TNFRSF1B: variants seen among roughly 807,000 people sequenced by gnomAD.
TNFRSF1B encodes the protein tumor necrosis factor receptor superfamily member 1B.
In TNFRSF1B, 19 loss-of-function variants were observed where a neutral mutation model predicts 44.6. The ratio of observed to expected loss-of-function variants is 0.43; its 90% confidence interval spans 0.30 to 0.62. TNFRSF1B has a LOEUF of 0.62. TNFRSF1B is among the 20% of genes least tolerant of loss of function. The pLI, the probability that TNFRSF1B is intolerant of heterozygous loss-of-function variation, is 0.16. For missense variants in TNFRSF1B, 541 were observed against 619.9 expected, an observed-to-expected ratio of 0.87 and a Z score of 1.35; for synonymous variants, 252 against 261.1, an observed-to-expected ratio of 0.97 and a Z score of 0.34.
intron 9 of TNFRSF1B, among the ~76,000 whole-genome samples, chr1:12,204,818 C>CAA (rs142394737): frequency 6.6e-6 from 1 of 151,288 alleles, no homozygotes; most frequent in African/African-American, 2.4e-5. Flanking sequence ...CCACCACCAA[C>CAA]AAAAAAACCC....
Position 12,207,111 on chromosome 1 carries a change from C to T in TNFRSF1B, c.*91C>T. Reference sequence around the variant, plus strand: ...GGGCCCTGGTCCTTCCAGGCCCCCACCACTAGGACTCTGAGGCTCTTTCTG... The same window carrying T: ...GGGCCCTGGTCCTTCCAGGCCCCCATCACTAGGACTCTGAGGCTCTTTCTG... On this transcript the variant is annotated 3_prime_UTR_variant, in exon 10 of 10. Coordinates refer to ENST00000376259, the MANE Select transcript of TNFRSF1B (RefSeq NM_001066.3). 3 of 1,372,386 alleles carry T rather than the reference C, an allele frequency of 2.2e-6. No individual in the cohort carries two copies. Among genetic ancestry groups the T allele is most frequent in the South Asian group, 1.6e-5 (1 of 64,240 alleles). The allele number at this position is 1,372,386 out of a possible 1,614,324, so 85.0% of individuals were successfully genotyped here.
intron 6 of TNFRSF1B, among the ~76,000 whole-genome samples, chr1:12,193,467 G>A (rs1003482532): frequency 6.6e-6 from 1 of 152,220 alleles, no homozygotes; most frequent in Admixed American, 6.5e-5. Context: ...CAGCTACTCA[G>A]GAGGCTGAGG....
chr1:12,194,464 A>AT, intron 7 of TNFRSF1B, 120 bp from the exon 8 acceptor site: 1 of 1,005,322 alleles, frequency 9.9e-7, no homozygotes, highest in Non-Finnish European at 1.5e-6. Flanking sequence ...CTGGTAGGCG[A>AT]TTGGTCCCCA....
At chr1:12,191,446 C>T (rs993661853) in intron 3 of TNFRSF1B, among the ~76,000 whole-genome samples, 12 of 150,296 alleles carry the variant, frequency 8.0e-5, no homozygotes, top group Non-Finnish European at 1.3e-4. Flanking sequence ...AGCGGCACTG[C>T]GGGGAGGAGC....
intron 3 of TNFRSF1B, among the ~76,000 whole-genome samples, chr1:12,191,342 T>C (rs1557633737): frequency 6.6e-6 from 1 of 152,174 alleles, no homozygotes; most frequent in African/African-American, 2.4e-5. Context: ...GGGAGAGTGG[T>C]GCGCATGCTC....
chr1:12,190,862 G>A (rs1332999490), intron 2 of TNFRSF1B, 95 bp from the exon 3 acceptor site: 3 of 1,474,630 alleles, frequency 2.0e-6, no homozygotes, highest in Non-Finnish European at 2.8e-6. Flanking sequence ...TCCCAGCTGG[G>A]CTTTAGAACT....
At position 12,192,939 on chromosome 1, in the gene TNFRSF1B, G is replaced by A; in HGVS notation, c.628G>A (p.Ala210Thr). The change falls in exon 6 of 10, where the codon GCC becomes ACC. Residue 210 changes from alanine (A) to threonine (T), a missense_variant. Ala to Thr is a moderately conservative substitution (Grantham distance 58, BLOSUM62 0). Transcript: ENST00000376259. ...GTCCACGTCCCCCACCCGGAGTATG[G>A]CCCCAGGGGCAGTACACTTACCCCA... ...CTSTSPTRSM[A>T]PGAVHLPQPV... The A allele has an allele frequency of 6.2e-7, 1 of 1,614,144 alleles. No homozygotes were observed. The highest frequency in any genetic ancestry group is 8.5e-7 in the Non-Finnish European group (1 of 1,180,028).
At position 12,185,728 on chromosome 1, in the gene TNFRSF1B, GCGCTGGAGT is replaced by G. The variant is rs1164460646; in HGVS notation, c.79-3067_79-3059del. ...TCTGTGTTTGAGCTTTGCGGCCCTG[GCGCTGGAGT>G]TAGATCCCTACAGGAAAGGACATTG... On this transcript the variant is annotated intron_variant, in intron 1 of 9. Transcript: ENST00000376259. Among the ~76,000 whole-genome samples, 5 of 152,218 alleles carry G rather than the reference GCGCTGGAGT, an allele frequency of 3.3e-5. No individual in the cohort carries two copies. The South Asian group carries it at 1.0e-3, about 32-fold the overall frequency.
At chr1:12,185,895 C>T (rs1048332031) in intron 1 of TNFRSF1B, among the ~76,000 whole-genome samples, 10 of 152,282 alleles carry the variant, frequency 6.6e-5, no homozygotes, top group African/African-American at 1.4e-4. Context: ...CCCAGGGAGG[C>T]CATGAGGAGA....
intron 1 of TNFRSF1B, among the ~76,000 whole-genome samples, chr1:12,183,711 T>TCTACCTATCTA (rs1553163383): frequency 7.5e-4 from 70 of 93,266 alleles, no homozygotes; most frequent in Middle Eastern, 7.4e-3. Flanking sequence ...TATCTATCTA[T>TCTACCTATCTA]TCTATCTACC....
chr1:12,197,571 G>A (rs971257088), intron 8 of TNFRSF1B, among the ~76,000 whole-genome samples: 3 of 152,170 alleles, frequency 2.0e-5, no homozygotes, highest in Non-Finnish European at 4.4e-5. Flanking sequence ...TTACAGAGGA[G>A]GAAACTGAGA....
At chr1:12,185,864 G>A (rs1298450004) in intron 1 of TNFRSF1B, among the ~76,000 whole-genome samples, 1 of 152,206 alleles carries the variant, frequency 6.6e-6, no homozygotes, top group Non-Finnish European at 1.5e-5. Flanking sequence ...GCCTCAGGGG[G>A]GCTTCCCATC....
In TNFRSF1B at chr1:12,191,914, GCCAGAC is replaced by G. The variant is rs1264987264; in HGVS notation, c.450_455del (p.Arg151_Pro152del). 2 of 1,608,776 alleles carry G rather than the reference GCCAGAC, an allele frequency of 1.2e-6. No individual in the cohort carries two copies. The highest frequency in any genetic ancestry group is 1.7e-6 in the Non-Finnish European group (2 of 1,178,262). ...CAAGTGCCGCCCGGGCTTCGGCGTG[GCCAGAC>G]CAGGTACGGGGTGGGGCTCAGGTCC... On this transcript the variant is annotated inframe_deletion, in exon 4 of 10. Transcript: ENST00000376259.
At chr1:12,167,768 C>CG (rs1305600478) in intron 1 of TNFRSF1B, among the ~76,000 whole-genome samples, 2 of 152,170 alleles carry the variant, frequency 1.3e-5, no homozygotes, top group African/African-American at 2.4e-5. Context: ...CCGATGCGTC[C>CG]GGGGGCTACT....
chr1:12,175,632 C>A (rs1638638283), intron 1 of TNFRSF1B, among the ~76,000 whole-genome samples: 1 of 152,194 alleles, frequency 6.6e-6, no homozygotes, highest in Admixed American at 6.5e-5. Context: ...GCCTCGCAAG[C>A]CCCTAATCCT....
intron 1 of TNFRSF1B, among the ~76,000 whole-genome samples, chr1:12,183,464 C>T (rs895460329): frequency 2.0e-5 from 3 of 151,902 alleles, no homozygotes; most frequent in Non-Finnish European, 4.4e-5. Context: ...CTCTCTCTCT[C>T]TCTCTCTCTA....
chr1:12,176,349 G>T (rs1044137620), intron 1 of TNFRSF1B, among the ~76,000 whole-genome samples: 4 of 152,220 alleles, frequency 2.6e-5, no homozygotes, highest in Admixed American at 2.6e-4. Context: ...TAAGTTTAGG[G>T]CCAGTTTATG....
intron 9 of TNFRSF1B, among the ~76,000 whole-genome samples, chr1:12,206,355 G>A (rs1639501595): frequency 7.3e-6 from 1 of 137,380 alleles, no homozygotes; most frequent in Non-Finnish European, 1.5e-5. Flanking sequence ...TTGAGACCCT[G>A]TCTCAAAAAA....
intron 2 of TNFRSF1B, among the ~76,000 whole-genome samples, 200 bp from the exon 3 acceptor site, chr1:12,190,757 A>G (rs567359714): frequency 2.3e-4 from 35 of 152,132 alleles, no homozygotes; most frequent in African/African-American, 8.2e-4. Flanking sequence ...AGAGGAATCT[A>G]TTTTTGAGCA....
Sources: allele counts gnomAD v4.1 joint callset (sites outside exome capture counted in the v4.1 genomes callset), GRCh38; gene constraint gnomAD v4.1.1; transcripts MANE v1.5; gene names NCBI Gene and HGNC (gene_info 2026-07-23, HGNC 2026-07-21).